The following SLC6A5 variants were observed in gnomAD, a reference collection of about 807,000 sequenced individuals.
SLC6A5 encodes the protein sodium- and chloride-dependent glycine transporter 2.
A neutral mutation model predicts 90.5 loss-of-function variants in SLC6A5; 58 were observed. The observed-to-expected ratio is 0.64, with a 90% CI of 0.52 to 0.80. The LOEUF (loss-of-function observed/expected upper bound fraction) is 0.80, where lower values mean the gene tolerates loss of function less well. Among genes scored for constraint, SLC6A5 ranks in the 30% least tolerant of loss-of-function variants. The pLI is 0.00. For missense variants in SLC6A5, 1,015 were observed against 1,017.6 expected, an observed-to-expected ratio of 1.00 and a Z score of 0.03; for synonymous variants, 427 against 401.4, an observed-to-expected ratio of 1.06 and a Z score of -0.76.
At chr11:20,600,991 T>A in intron 1 of SLC6A5, 138 bp from the exon 2 acceptor site, 1 of 820,168 alleles carries the variant, frequency 1.2e-6, no homozygotes, top group Admixed American at 3.2e-5. Context: ...GCCTTTCTTT[T>A]AAAAAAAGTT....
chr11:20,635,048 G>A (rs1028419670), intron 10 of SLC6A5, among the ~76,000 whole-genome samples: 4 of 152,014 alleles, frequency 2.6e-5, no homozygotes, highest in Admixed American at 1.3e-4. Context: ...GAAAACTGCC[G>A]CTCAGACTTC....
At chr11:20,640,611 T>C (rs1853294336) in intron 13 of SLC6A5, among the ~76,000 whole-genome samples, 1 of 151,752 alleles carries the variant, frequency 6.6e-6, no homozygotes. Context: ...GTGTCGGATG[T>C]GGGTGTGCGC....
Position 20,602,710 on chromosome 11 carries a change from T to C in SLC6A5, c.540+1045T>C, listed in dbSNP as rs75987521. Among the ~76,000 whole-genome samples the C allele has an allele frequency of 7.5e-5, 10 of 133,932 alleles. No individual in the cohort carries two copies. In the South Asian group the frequency reaches 1.6e-3, roughly 21 times the overall value. The allele number at this position is 133,932 out of a possible 152,430, so 87.9% of individuals were successfully genotyped here. A position where few individuals can be genotyped will look rare whatever the true frequency, so the allele number is the denominator to read the frequency against. On this transcript the variant is annotated intron_variant, in intron 2 of 15. Transcript: ENST00000525748. ...GTGTTTGCACACACACACACACACA[T>C]ACACATTCACACTTATCCACAGGCC...
chr11:20,636,704 A>C (rs570304708), intron 11 of SLC6A5, among the ~76,000 whole-genome samples: 68 of 152,254 alleles, frequency 4.5e-4, no homozygotes, highest in African/African-American at 1.6e-3. Context: ...CATTTTGCCA[A>C]AGCAAATTCT....
intron 13 of SLC6A5, among the ~76,000 whole-genome samples, chr11:20,644,052 ATTTT>A (rs1188166188): frequency 6.6e-6 from 1 of 152,186 alleles, no homozygotes; most frequent in Non-Finnish European, 1.5e-5. Flanking sequence ...TTATTTATGT[ATTTT>A]TTATTAGATA....
intron 7 of SLC6A5, among the ~76,000 whole-genome samples, chr11:20,624,658 G>T (rs1852957598): frequency 6.6e-6 from 1 of 152,188 alleles, no homozygotes; most frequent in South Asian, 2.1e-4. Context: ...TCAGAGGAAG[G>T]ACTGCATGTG....
chr11:20,628,195 AAAGATTTGCCTCTGGCCT>A (rs1853039573), intron 9 of SLC6A5, 112 bp downstream of exon 9: 6 of 947,542 alleles, frequency 6.3e-6, no homozygotes, highest in Admixed American at 5.7e-5. Context: ...AGGGAGAGCT[AAAGATTTGCCTCTGGCCT>A]AGGAGAAACC....
chr11:20,621,224 T>C (rs895886526), intron 7 of SLC6A5, among the ~76,000 whole-genome samples: 2 of 152,240 alleles, frequency 1.3e-5, no homozygotes, highest in Non-Finnish European at 2.9e-5. Context: ...CCCCCCACAG[T>C]AAATCAGAAT....
chr11:20,603,477 T>C (rs1005185044), intron 2 of SLC6A5, among the ~76,000 whole-genome samples: 1 of 152,182 alleles, frequency 6.6e-6, no homozygotes, highest in Non-Finnish European at 1.5e-5. Context: ...CTTTTACAGA[T>C]GAGACACGGA....
At chr11:20,617,640 C>T (rs1852806532) in intron 6 of SLC6A5, 112 bp from the exon 7 acceptor site, 1 of 906,294 alleles carries the variant, frequency 1.1e-6, no homozygotes, top group Non-Finnish European at 1.8e-6. Context: ...GTGGAGGATG[C>T]TGGGGTTTTG....
chr11:20,605,223 T>C (rs1275434454), intron 3 of SLC6A5, among the ~76,000 whole-genome samples: 1 of 152,126 alleles, frequency 6.6e-6, no homozygotes, highest in African/African-American at 2.4e-5. Flanking sequence ...TAGAGCCCCG[T>C]CCCACATCTT....
chr11:20,648,165 C>T (rs1409745462), intron 14 of SLC6A5, among the ~76,000 whole-genome samples: 1 of 152,158 alleles, frequency 6.6e-6, no homozygotes, highest in African/African-American at 2.4e-5. Flanking sequence ...CCACAGAATC[C>T]AGTAGGTGGC....
intron 7 of SLC6A5, among the ~76,000 whole-genome samples, chr11:20,621,480 T>A (rs1852888133): frequency 6.6e-6 from 1 of 152,238 alleles, no homozygotes; most frequent in South Asian, 2.1e-4. Flanking sequence ...AGCAGATATG[T>A]TTTTCATTTA....
intron 6 of SLC6A5, among the ~76,000 whole-genome samples, chr11:20,617,419 A>C (rs1457869505): frequency 6.6e-6 from 1 of 152,224 alleles, no homozygotes; most frequent in African/African-American, 2.4e-5. Flanking sequence ...GACGGTTCAG[A>C]GTTTCTGTTG....
At position 20,601,376 on chromosome 11, in the gene SLC6A5, G is replaced by T. The variant is rs1462965582; in HGVS notation, c.251G>T (p.Ser84Ile). Residue 84 changes from serine to isoleucine, a missense_variant, in exon 2 of 16, where the codon AGC (serine) becomes ATC (isoleucine). Around this residue, in one of 3 missense-constraint regions of SLC6A5, gnomAD observed 567 missense variants for 507.3 expected, o/e 1.12. Transcript: ENST00000525748. ...GGAGTGGGGTCTTGCAAACTCAGTA[G>T]CCCGCGGGCGCAGGCGGCCTCTGCA... ...RPGVGSCKLS[S>I]PRAQAASAAL... 3 of 1,602,852 alleles carry T rather than the reference G, an allele frequency of 1.9e-6. No individual in the cohort carries two copies. Among genetic ancestry groups the T allele is most frequent in the Non-Finnish European group, 2.6e-6 (3 of 1,176,210 alleles).
At chr11:20,619,795 G>A (rs973676148) in intron 7 of SLC6A5, among the ~76,000 whole-genome samples, 1 of 152,172 alleles carries the variant, frequency 6.6e-6, no homozygotes, top group African/African-American at 2.4e-5. Context: ...AGGTTTGGGA[G>A]CACTTCTACT....
intron 13 of SLC6A5, among the ~76,000 whole-genome samples, chr11:20,641,338 C>G (rs1186092049): frequency 1.3e-5 from 2 of 152,142 alleles, no homozygotes; most frequent in African/African-American, 4.8e-5. Context: ...CAGTCAGTTA[C>G]TTGTTTCACA....
At chr11:20,609,967 G>A (rs965160393) in intron 5 of SLC6A5, among the ~76,000 whole-genome samples, 2 of 152,332 alleles carry the variant, frequency 1.3e-5, no homozygotes, top group Middle Eastern at 3.4e-3. Flanking sequence ...GCCCTGTCAA[G>A]TGAGACCAGC....
rs557143854 is a variant in SLC6A5, at chr11:20,621,003, G to A, written c.1260+3119G>A. On this transcript the variant is annotated intron_variant, in intron 7 of 15. Transcript: ENST00000525748. Reference sequence around the variant, plus strand: ...TTTTTAGTAGAGACAGGATTTCACCGTGTTGGCCAGGCTAGTCTTGACCTC... The same window carrying A: ...TTTTTAGTAGAGACAGGATTTCACCATGTTGGCCAGGCTAGTCTTGACCTC... Among the ~76,000 whole-genome samples the A allele has an allele frequency of 5.7e-4, 86 of 152,020 alleles. 2 individuals carry two copies. The highest frequency in any genetic ancestry group is 1.4e-4 in the African/African-American group (6 of 41,460).
Sources: allele counts gnomAD v4.1 joint callset (sites outside exome capture counted in the v4.1 genomes callset), GRCh38; gene constraint gnomAD v4.1.1; regional missense constraint gnomAD v4.1.1; transcripts MANE v1.5; gene names NCBI Gene and HGNC (gene_info 2026-07-23, HGNC 2026-07-21).